Variants in ARID5B observed in about 807,000 individuals in gnomAD.
ARID5B encodes the protein AT-rich interactive domain-containing protein 5B.
In ARID5B, 13 loss-of-function variants were observed where a neutral mutation model predicts 97.2. The observed-to-expected ratio is 0.13, with a 90% CI of 0.09 to 0.21. The LOEUF is 0.21. Among genes scored for constraint, ARID5B ranks in the 10% least tolerant of loss-of-function variants. ARID5B has a pLI of 1.00. For missense variants in ARID5B, 1,210 were observed against 1,465.3 expected (o/e 0.83, Z 2.84); for synonymous variants, 556 against 570.3 (o/e 0.97, Z 0.36).
At chr10:62,018,854 T>A (rs1839318170) in intron 4 of ARID5B, among the ~76,000 whole-genome samples, 1 of 152,214 alleles carries the variant, frequency 6.6e-6, no homozygotes. Context: ...TCAGGACAGC[T>A]GCCAGATTCA....
intron 4 of ARID5B, among the ~76,000 whole-genome samples, chr10:62,003,784 T>C (rs1346489232): frequency 6.6e-6 from 1 of 152,134 alleles, no homozygotes; most frequent in Non-Finnish European, 1.5e-5. Flanking sequence ...TCTCTGAAAA[T>C]AGACTTTGCA....
At chr10:62,043,738 A>T (rs2132921500) in intron 4 of ARID5B, among the ~76,000 whole-genome samples, 1 of 152,384 alleles carries the variant, frequency 6.6e-6, no homozygotes, top group South Asian at 2.1e-4. Context: ...AGCTATGCAA[A>T]TCACATGCCT....
intron 8 of ARID5B, among the ~76,000 whole-genome samples, chr10:62,075,541 T>C (rs1840119058): frequency 2.6e-5 from 4 of 152,238 alleles, no homozygotes. Flanking sequence ...GGCTTCCCAT[T>C]GACCTTGCCT....
At chr10:61,991,133 A>G (rs562300626) in intron 3 of ARID5B, among the ~76,000 whole-genome samples, 61 of 151,788 alleles carry the variant, frequency 4.0e-4, no homozygotes, top group African/African-American at 1.4e-3. Flanking sequence ...CCTTTTGGCT[A>G]TTTTGTGATA....
intron 3 of ARID5B, among the ~76,000 whole-genome samples, chr10:61,997,822 C>T (rs1041057442): frequency 3.9e-5 from 6 of 152,080 alleles, no homozygotes; most frequent in Non-Finnish European, 5.9e-5. Flanking sequence ...TCTGGAGAAA[C>T]GACCGCATTT....
intron 4 of ARID5B, among the ~76,000 whole-genome samples, chr10:62,012,901 T>C (rs1839235435): frequency 6.6e-6 from 1 of 152,236 alleles, no homozygotes; most frequent in Non-Finnish European, 1.5e-5. Context: ...GAAGTTTATA[T>C]TGTTTCCTCC....
chr10:62,031,606 A>G (rs2132905614), intron 4 of ARID5B, among the ~76,000 whole-genome samples: 1 of 152,314 alleles, frequency 6.6e-6, no homozygotes, highest in South Asian at 2.1e-4. Flanking sequence ...CTTATTTGAA[A>G]TGAAAAGACC....
At chr10:62,019,295 G>T (rs537818941) in intron 4 of ARID5B, among the ~76,000 whole-genome samples, 2 of 152,156 alleles carry the variant, frequency 1.3e-5, no homozygotes, top group African/African-American at 4.8e-5. Flanking sequence ...GTCAGCCTTC[G>T]TTTAAATTGC....
chr10:61,995,348 T>C (rs1397018197), intron 3 of ARID5B, among the ~76,000 whole-genome samples: 1 of 152,230 alleles, frequency 6.6e-6, no homozygotes, highest in Non-Finnish European at 1.5e-5. Context: ...TGTTTACTTA[T>C]GTGTATATGA....
chr10:62,067,298 G>A (rs892618067), intron 7 of ARID5B, among the ~76,000 whole-genome samples: 7 of 152,166 alleles, frequency 4.6e-5, no homozygotes, highest in Non-Finnish European at 8.8e-5. Context: ...GGTCAGGCTG[G>A]TCTTGAACTC....
Position 62,079,937 on chromosome 10 carries a change from C to A in ARID5B, c.1200-5765C>A, listed in dbSNP as rs575607331. Among the ~76,000 whole-genome samples the A allele has an allele frequency of 5.6e-4, 86 of 152,262 alleles. 1 individual carries two copies. The highest frequency in any genetic ancestry group is 4.5e-3 in the Admixed American group (69 of 15,294). On this transcript the variant is annotated intron_variant, in intron 8 of 9. Coordinates refer to ENST00000279873, the MANE Select transcript of ARID5B (RefSeq NM_032199.3). ...TCGTTGTTAATAGTGGACTCCATAC[C>A]TTTTAGGTGTCTTAGCATAGAATAC...
intron 3 of ARID5B, among the ~76,000 whole-genome samples, chr10:61,979,518 G>A (rs1217858132): frequency 6.6e-6 from 1 of 152,120 alleles, no homozygotes; most frequent in Non-Finnish European, 1.5e-5. Context: ...TTCTCCCCAT[G>A]ACTCTTCAAC....
intron 4 of ARID5B, chr10:62,049,583 T>C: frequency 6.7e-7 from 1 of 1,485,282 alleles, no homozygotes; most frequent in Non-Finnish European, 9.2e-7. Flanking sequence ...GACCAGCGTT[T>C]AGGGGAATGA....
At chr10:62,090,427 A>G (rs1311755195) in intron 9 of ARID5B, among the ~76,000 whole-genome samples, 2 of 152,236 alleles carry the variant, frequency 1.3e-5, no homozygotes, top group African/African-American at 4.8e-5. Flanking sequence ...TGTCGTTAAC[A>G]TGGGGTTGGT....
intron 4 of ARID5B, among the ~76,000 whole-genome samples, chr10:62,020,592 T>C (rs377585690): frequency 4.6e-5 from 7 of 152,246 alleles, no homozygotes; most frequent in African/African-American, 1.2e-4. Flanking sequence ...AAGGAGGAAA[T>C]TGTGACTTTT....
chr10:62,000,877 T>C lies in ARID5B; in HGVS notation c.733+556T>C, dbSNP rs752254563. On this transcript the variant is annotated intron_variant, in intron 4 of 9. Coordinates refer to ENST00000279873, the MANE Select transcript of ARID5B (RefSeq NM_032199.3). This position sits in a 1 kb window ranked among gnomAD's most constrained non-coding sequence, Gnocchi z 4.4. ...GATAGATAGATAGATAGATAGATGA[T>C]AGGTGATAGATATCCATGTCCTGAA... is the stretch of plus-strand genomic sequence containing the variant. 7.1e-6 allele frequency among the ~76,000 whole-genome samples: 1 copy of C among 141,470 alleles called. No individual in the cohort carries two copies. The highest frequency in any genetic ancestry group is 2.7e-5 in the African/African-American group (1 of 37,488). The allele number at this position is 141,470 out of a possible 152,430, so 92.8% of individuals were successfully genotyped here.
chr10:61,967,359 C>T (rs1366409541), intron 3 of ARID5B, among the ~76,000 whole-genome samples: 1 of 152,218 alleles, frequency 6.6e-6, no homozygotes, highest in African/African-American at 2.4e-5. Context: ...TTTGTATTAT[C>T]CAGAGCTCTT....
chr10:62,027,285 C>CTTTTTT lies in ARID5B; in HGVS notation c.734-23567_734-23562dup, dbSNP rs777291593. ...TGATGCATTAGCCTCACAGTATCTC[C>CTTTTTT]TTTTTTTTTTTTTTTTTTTTTTTTT... On this transcript the variant is annotated intron_variant, in intron 4 of 9. Transcript: ENST00000279873. Among the ~76,000 whole-genome samples the CTTTTTT allele has an allele frequency of 4.5e-5, 3 of 67,406 alleles. 1 individual carries two copies. The highest frequency in any genetic ancestry group is 8.2e-5 in the Non-Finnish European group (3 of 36,556). 44.2% of individuals were successfully genotyped at this position (67,406 alleles called of 152,430 possible). A position where few individuals can be genotyped will look rare whatever the true frequency, so the allele number is the denominator to read the frequency against.
At chr10:62,085,591 A>G (rs923695858) in intron 8 of ARID5B, 111 bp from the exon 9 acceptor site, 10 of 869,342 alleles carry the variant, frequency 1.2e-5, no homozygotes, top group African/African-American at 6.8e-5. Flanking sequence ...GTCACTGGAG[A>G]TGAAGTCATT....
Sources: gnomAD v4.1 joint callset for allele counts (sites outside exome capture counted in the v4.1 genomes callset) on GRCh38, gnomAD v4.1.1 for gene constraint, Gnocchi (gnomAD v3.1) non-coding constraint, MANE v1.5 for transcripts, NCBI Gene and HGNC (gene_info 2026-07-23, HGNC 2026-07-21) for gene names.